The following DCAF15 variants were observed in gnomAD, a reference collection of about 807,000 sequenced individuals.
DCAF15 encodes the protein DDB1 and CUL4 associated factor 15.
DCAF15 carries 24 observed loss-of-function variants against 68.0 expected under a neutral mutation model. The ratio of observed to expected loss-of-function variants is 0.35; its 90% CI spans 0.26 to 0.50. DCAF15 has a LOEUF of 0.50. Among genes scored for constraint, DCAF15 ranks in the 20% least tolerant of loss-of-function variants. The probability of loss-of-function intolerance (pLI) is 0.98; values close to 1 mark genes in which losing one functional copy is unlikely to be tolerated. For missense variants in DCAF15, 627 were observed against 830.6 expected (o/e 0.75, Z 3.01); for synonymous variants, 376 against 341.6 (o/e 1.10, Z -1.11).
chr19:13,955,810 C>A, intron 3 of DCAF15, 102 bp from the exon 4 acceptor site: 1 of 1,190,298 alleles, frequency 8.4e-7, no homozygotes, highest in South Asian at 1.4e-5. Flanking sequence ...TGGGGTGCTC[C>A]TACCCGCTCA....
rs569118517 is a variant in DCAF15, at chr19:13,961,121, G to C, written c.*126G>C. On this transcript the variant is annotated 3_prime_UTR_variant, in exon 13 of 13. Transcript: ENST00000254337. ...ATGACCGGCACTAGTGTTAGCCTGC[G>C]GAACGGGGCTGGGCAGGGCAGCCTC... 1 of 1,177,790 alleles carries C rather than the reference G, an allele frequency of 8.5e-7. No individual in the cohort carries two copies. 73.0% of individuals were successfully genotyped at this position (1,177,790 alleles called of 1,614,324 possible).
Position 13,956,213 on chromosome 19 carries a change from A to G in DCAF15, c.564A>G (p.Pro188=). 6.2e-7 allele frequency: 1 copy of G among 1,611,934 alleles called. No individual in the cohort carries two copies. Among genetic ancestry groups the G allele is most frequent in the Non-Finnish European group, 8.5e-7 (1 of 1,179,750 alleles). ...RDIYVSTVAV[P]PPGRCAACQD... The stretch of plus-strand genomic sequence containing the variant: ...TCTACGTCAGCACCGTGGCCGTGCC[A>G]CCGCCAGGCCGCTGTGCTGCTTGCC... Residue 188 remains proline, a synonymous_variant, in exon 5 of 13, where the codon CCA becomes CCG. Transcript: ENST00000254337.
rs762657568 is a variant in DCAF15 at position 13,960,245 on chromosome 19, C to T, written c.1527-42C>T. 3 of 1,599,894 alleles carry T rather than the reference C, an allele frequency of 1.9e-6. No homozygotes were observed. In the East Asian group the frequency reaches 6.7e-5, roughly 36 times the overall value. The stretch of plus-strand genomic sequence containing the variant: ...GTAGCCTGGGGCCTGGTTCAGGAGC[C>T]CGGCTGTCCCAGCGTTTGTCCTATG... On this transcript the variant is annotated intron_variant, in intron 10 of 12. Coordinates refer to ENST00000254337, the MANE Select transcript of DCAF15 (RefSeq NM_138353.4).
intron 1 of DCAF15, 64 bp downstream of exon 1, chr19:13,952,708 AGGGAGG>A: frequency 2.8e-6 from 1 of 363,020 alleles, no homozygotes; most frequent in Non-Finnish European, 3.5e-6. Context: ...AGGGAGGCGG[AGGGAGG>A]AGGGCGTTCG....
Position 13,952,636 on chromosome 19 carries a change from C to T in DCAF15, c.124C>T (p.Arg42Trp). 1 of 1,171,404 alleles carries T rather than the reference C, an allele frequency of 8.5e-7. No individual in the cohort carries two copies. The highest frequency in any genetic ancestry group is 1.1e-6 in the Non-Finnish European group (1 of 943,564). 72.6% of individuals were successfully genotyped at this position (1,171,404 alleles called of 1,614,324 possible). ...GGAGCACGTCCTCAAGCAGCTGGAG[C>T]GGGTCAAGGTGAGGCCTGGAGCCGG... The part of the protein sequence containing the change: ...RREHVLKQLE[R>W]VKISGQLSPR... The change falls in exon 1 of 13, where the codon CGG (arginine) becomes TGG (tryptophan). Residue 42 changes from arginine to tryptophan, a missense_variant. Arg to Trp is a moderately radical substitution (Grantham distance 101). Coordinates refer to ENST00000254337, the MANE Select transcript of DCAF15 (RefSeq NM_138353.4).
intron 6 of DCAF15, among the ~76,000 whole-genome samples, chr19:13,957,366 C>A (rs1164312396): frequency 6.6e-6 from 1 of 152,112 alleles, no homozygotes. Context: ...GCCCTGTGCC[C>A]GGGTCTCTCC....
At position 13,956,425 on chromosome 19, in the gene DCAF15, C is replaced by T. The variant is rs141795955; in HGVS notation, c.687C>T (p.Pro229=). The change falls in exon 6 of 13, where the codon CCC becomes CCT. Residue 229 remains proline (P), a synonymous_variant. Coordinates refer to ENST00000254337, the MANE Select transcript of DCAF15 (RefSeq NM_138353.4). ...HTKYQVVYPF[P]TFQPAFQLKK... ...AGTACCAGGTGGTCTACCCCTTCCC[C>T]ACCTTCCAGCCCGCCTTCCAGCTCA... The T allele has an allele frequency of 2.2e-5, 35 of 1,613,964 alleles. No homozygotes were observed. The East Asian group carries it at 4.2e-4, about 20-fold the overall frequency.
rs747277782 is a variant in DCAF15, at chr19:13,954,381, T to C, written c.174T>C (p.Pro58=). 4.3e-6 allele frequency: 7 copies of C among 1,612,988 alleles called. No individual in the cohort carries two copies. The African/African-American group carries it at 9.4e-5, about 22-fold the overall frequency. ...QLSPRLFRKL[P]PRVCVSLKNI... is the part of the protein sequence containing the mutation. ...CCCCTCGCCTCTTCCGGAAGCTGCC[T>C]CCCCGGGTGTGCGTGTCCCTCAAGA... is the stretch of plus-strand genomic sequence containing the variant. Residue 58 remains proline, a synonymous_variant, in exon 2 of 13, where the codon CCT becomes CCC. Coordinates refer to ENST00000254337, the MANE Select transcript of DCAF15 (RefSeq NM_138353.4).
At chr19:13,960,252 T>G (rs1025084515) in intron 10 of DCAF15, 35 bp from the exon 11 acceptor site, 9 of 1,603,884 alleles carry the variant, frequency 5.6e-6, no homozygotes, top group Non-Finnish European at 7.7e-6. Flanking sequence ...AGCCCGGCTG[T>G]CCCAGCGTTT....
In DCAF15 at chr19:13,960,335, A is replaced by C. The variant is rs772125503; in HGVS notation, c.1575A>C (p.Thr525=). 2 of 1,614,086 alleles carry C rather than the reference A, an allele frequency of 1.2e-6. No individual in the cohort carries two copies. Among genetic ancestry groups the C allele is most frequent in the South Asian group, 2.2e-5 (2 of 91,086 alleles). The change falls in exon 11 of 13, where the codon ACA becomes ACC. Residue 525 remains threonine, a synonymous_variant. Coordinates refer to ENST00000254337, the MANE Select transcript of DCAF15 (RefSeq NM_138353.4). Reference sequence around the variant, plus strand: ...TCAAGGTGGCATGGGACCTCAACACAGGGATCTTCGAGACAGTCAGTGTAG... The same window carrying C: ...TCAAGGTGGCATGGGACCTCAACACCGGGATCTTCGAGACAGTCAGTGTAG... ...TSLKVAWDLN[T]GIFETVSVGD...
At position 13,954,339 on chromosome 19, in the gene DCAF15, G is replaced by A. The variant is rs766165665; in HGVS notation, c.133-1G>A. 6.2e-7 allele frequency: 1 copy of A among 1,612,750 alleles called. No homozygotes were observed. Among genetic ancestry groups the A allele is most frequent in the Non-Finnish European group, 8.5e-7 (1 of 1,179,860 alleles). ...AAGTGCCCTGGCCACCCCTTCCCCA[G>A]ATCAGCGGACAGCTCTCCCCTCGCC... is the stretch of plus-strand genomic sequence containing the variant. On this transcript the variant is annotated splice_acceptor_variant, in intron 1 of 12. Transcript: ENST00000254337. LOFTEE classifies it high-confidence loss of function.
chr19:13,952,677 G>A, intron 1 of DCAF15, 33 bp downstream of exon 1: 1 of 1,289,800 alleles, frequency 7.8e-7, no homozygotes, highest in Admixed American at 3.9e-5. Context: ...GGAGCGCGCC[G>A]GAGGGTGGGG....
At chr19:13,955,290 CAT>C (rs1304435717) in intron 3 of DCAF15, among the ~76,000 whole-genome samples, 1 of 152,072 alleles carries the variant, frequency 6.6e-6, no homozygotes, top group Non-Finnish European at 1.5e-5. Context: ...CATGGTGGCA[CAT>C]GTCTGTAATC....
At chr19:13,960,113 C>G in intron 10 of DCAF15, 44 bp downstream of exon 10, 1 of 1,607,018 alleles carries the variant, frequency 6.2e-7, no homozygotes, top group Non-Finnish European at 8.5e-7. Flanking sequence ...AGGGGGGCCA[C>G]TGGCAGACAC....
intron 4 of DCAF15, 48 bp from the exon 5 acceptor site, chr19:13,956,075 G>A: frequency 6.2e-7 from 1 of 1,610,978 alleles, no homozygotes; most frequent in Non-Finnish European, 8.5e-7. Flanking sequence ...TGTGCAGTGG[G>A]GGCCCCCCAG....
chr19:13,952,944 A>T, intron 1 of DCAF15: 3 of 895,680 alleles, frequency 3.3e-6, no homozygotes, highest in Non-Finnish European at 4.9e-6. Flanking sequence ...CCGCAGGGAG[A>T]ATCAGGAGGA....
intron 6 of DCAF15, among the ~76,000 whole-genome samples, chr19:13,958,599 G>A (rs182145647): frequency 3.7e-4 from 56 of 152,272 alleles, no homozygotes; most frequent in African/African-American, 1.3e-3. Flanking sequence ...AAGTGTGCCC[G>A]CAGTGGTCTG....
chr19:13,953,550 G>A (rs1973193840), intron 1 of DCAF15, among the ~76,000 whole-genome samples: 1 of 152,232 alleles, frequency 6.6e-6, no homozygotes, highest in East Asian at 1.9e-4. Context: ...TGGCTGGCCA[G>A]GCTGTTTCCT....
chr19:13,961,049 C>T lies in DCAF15; in HGVS notation c.*54C>T. 1.9e-6 allele frequency: 3 copies of T among 1,607,488 alleles called. No homozygotes were observed. The highest frequency in any genetic ancestry group is 2.5e-6 in the Non-Finnish European group (3 of 1,177,308). ...AACTACCTCCGTGGCCTGGGACCGG[C>T]CCCCTTCCTGGGGTGGCCTCTTCCT... On this transcript the variant is annotated 3_prime_UTR_variant, in exon 13 of 13. Transcript: ENST00000254337.
Sources: allele counts gnomAD v4.1 joint callset (sites outside exome capture counted in the v4.1 genomes callset), GRCh38; gene constraint gnomAD v4.1.1; transcripts MANE v1.5; gene names NCBI Gene and HGNC (gene_info 2026-07-23, HGNC 2026-07-21).